The following RAD21 variants were observed in gnomAD, a reference collection of about 807,000 sequenced individuals.
RAD21 encodes double-strand-break repair protein rad21 homolog.
Under a neutral mutation model 71.5 loss-of-function variants are expected in RAD21, and 18 were observed. The observed-to-expected ratio is 0.25, with a 90% confidence interval of 0.17 to 0.37. The LOEUF (loss-of-function observed/expected upper bound fraction) is 0.37. RAD21 is among the 10% of genes least tolerant of loss of function. The pLI is 1.00. For missense variants in RAD21, 493 were observed against 769.1 expected, an observed-to-expected ratio of 0.64 and a Z score of 4.25; for synonymous variants, 248 against 254.0, an observed-to-expected ratio of 0.98 and a Z score of 0.22.
chr8:116,867,897 T>C (rs969160278), intron 1 of RAD21, among the ~76,000 whole-genome samples: 9 of 152,298 alleles, frequency 5.9e-5, no homozygotes, highest in Admixed American at 2.0e-4. Context: ...TTTTATACCA[T>C]TTTGTCACAT....
intron 12 of RAD21, among the ~76,000 whole-genome samples, chr8:116,849,835 A>G (rs1018041467): frequency 1.3e-5 from 2 of 152,242 alleles, no homozygotes; most frequent in African/African-American, 2.4e-5. Context: ...AAGCACTATT[A>G]TTAGAATTAA....
chr8:116,854,929 T>C lies in RAD21; in HGVS notation c.938-461A>G, dbSNP rs1209357620. 3.9e-5 allele frequency among the ~76,000 whole-genome samples: 6 copies of C among 152,202 alleles called. No individual in the cohort carries two copies. The South Asian group carries it at 1.0e-3, about 26-fold the overall frequency. On this transcript the variant is annotated intron_variant, in intron 8 of 13. Coordinates refer to ENST00000297338, the MANE Select transcript of RAD21 (RefSeq NM_006265.3). ...CACATATGGCAGTTGTGGAAGCTGCTTGATAGAATGAAACAAGCCCAAGCC... is the reference window on the plus strand; with the variant it reads ...CACATATGGCAGTTGTGGAAGCTGCCTGATAGAATGAAACAAGCCCAAGCC...
At chr8:116,862,554 G>A (rs1812611535) in intron 3 of RAD21, among the ~76,000 whole-genome samples, 1 of 151,826 alleles carries the variant, frequency 6.6e-6, no homozygotes, top group Non-Finnish European at 1.5e-5. Flanking sequence ...AACTGTTTAA[G>A]GCATTTCTTA....
In RAD21 at chr8:116,857,373, C is replaced by T. The variant is rs201468757; in HGVS notation, c.582G>A (p.Glu194=). The change falls in exon 6 of 14, where the codon GAG becomes GAA. Residue 194 remains glutamate, a synonymous_variant. Coordinates refer to ENST00000297338, the MANE Select transcript of RAD21 (RefSeq NM_006265.3). The stretch of plus-strand genomic sequence containing the variant: ...TCAGATTGCTGGTGCTCTGTTCAGA[C>T]TCTAATAGGAGGTTAGAAGTAGTAG... ...VSTTTSNLLL[E]SEQSTSNLNE... 64 of 1,613,072 alleles carry T rather than the reference C, an allele frequency of 4.0e-5. No homozygotes were observed. In the East Asian group the frequency reaches 1.2e-3, roughly 32 times the overall value.
At chr8:116,849,943 A>C (rs1225459950) in intron 12 of RAD21, among the ~76,000 whole-genome samples, 1 of 152,098 alleles carries the variant, frequency 6.6e-6, no homozygotes, top group African/African-American at 2.4e-5. Context: ...CCTTATTTTA[A>C]ATTTAAAGGT....
At chr8:116,854,526 G>T in intron 8 of RAD21, 58 bp from the exon 9 acceptor site, 2 of 1,315,340 alleles carry the variant, frequency 1.5e-6, no homozygotes, top group Non-Finnish European at 2.2e-6. Flanking sequence ...GGAACACACA[G>T]CTACAAGATC....
In RAD21 at chr8:116,874,316, G is replaced by A. The variant is rs1029936258; in HGVS notation, c.-33+295C>T. 2.0e-5 allele frequency: 3 copies of A among 153,178 alleles called. No individual in the cohort carries two copies. In the South Asian group the frequency reaches 6.0e-4, roughly 31 times the overall value. The allele number at this position is 153,178 out of a possible 1,614,324, so 9.5% of individuals were successfully genotyped here. On this transcript the variant is annotated intron_variant, in intron 1 of 13. Coordinates refer to ENST00000297338, the MANE Select transcript of RAD21 (RefSeq NM_006265.3). ...TGGGGGACGTGAGATGGACCTGCAG[G>A]GTAACAGCCTTTGTAGATCTCAGAA...
rs1350256754 is a variant in RAD21, at chr8:116,846,375, TAATCA to T, written c.*1120_*1124del. The T allele has an allele frequency of 4.4e-6, 1 of 229,402 alleles. No homozygotes were observed. The highest frequency in any genetic ancestry group is 8.7e-6 in the Non-Finnish European group (1 of 115,604). 14.2% of individuals were successfully genotyped at this position (229,402 alleles called of 1,614,324 possible). On this transcript the variant is annotated 3_prime_UTR_variant, in exon 14 of 14. Transcript: ENST00000297338. The stretch of plus-strand genomic sequence containing the variant: ...GCCCTAAAAAGTTAAGACATTCTGA[TAATCA>T]TAACAGTCACATGATTTCTGATGCT...
chr8:116,852,443 A>G, intron 10 of RAD21, 106 bp downstream of exon 10: 2 of 1,210,872 alleles, frequency 1.7e-6, no homozygotes, highest in Non-Finnish European at 2.3e-6. Context: ...CAAACATTTG[A>G]GTATATCTTT....
At chr8:116,865,526 T>A (rs1240986166) in intron 2 of RAD21, among the ~76,000 whole-genome samples, 2 of 152,164 alleles carry the variant, frequency 1.3e-5, no homozygotes, top group Admixed American at 1.3e-4. Flanking sequence ...TTAGTGCATA[T>A]CACAAATCTC....
At chr8:116,852,277 A>G (rs1388089920) in intron 10 of RAD21, 181 bp from the exon 11 acceptor site, 4 of 673,596 alleles carry the variant, frequency 5.9e-6, no homozygotes, top group Non-Finnish European at 9.5e-6. Context: ...CGTAAAGGGG[A>G]AAGGGGATCT....
At chr8:116,873,717 G>A (rs1052364631) in intron 1 of RAD21, among the ~76,000 whole-genome samples, 1 of 151,336 alleles carries the variant, frequency 6.6e-6, no homozygotes, top group Admixed American at 6.6e-5. Flanking sequence ...CAAATTTGAA[G>A]AAGGCCGCTA....
At position 116,855,285 on chromosome 8, in the gene RAD21, G is replaced by A. The variant is rs144743595; in HGVS notation, c.938-817C>T. On this transcript the variant is annotated intron_variant, in intron 8 of 13. Transcript: ENST00000297338. ...TGCTCTACTTAAAGGTAAAAACTAT[G>A]TCTAAATTACACTGTAATCAATTTC... 7.0e-3 allele frequency among the ~76,000 whole-genome samples: 1,062 copies of A among 152,226 alleles called. 15 individuals are homozygous for A. The highest frequency in any genetic ancestry group is 0.025 in the African/African-American group (1,029 of 41,534).
chr8:116,857,052 A>G (rs1382140201), intron 6 of RAD21, among the ~76,000 whole-genome samples: 1 of 152,172 alleles, frequency 6.6e-6, no homozygotes, highest in African/African-American at 2.4e-5. Flanking sequence ...TTAAGTACTA[A>G]TAAAATTTAG....
At position 116,847,419 on chromosome 8, in the gene RAD21, A is replaced by C; in HGVS notation, c.*81T>G. On this transcript the variant is annotated 3_prime_UTR_variant, in exon 14 of 14. Coordinates refer to ENST00000297338, the MANE Select transcript of RAD21 (RefSeq NM_006265.3). Reference sequence around the variant, plus strand: ...TACAGACAAAAATCTAAGTTTTCTCAAAGGGTTCTGTGTCCCCTACACATG... The same window carrying C: ...TACAGACAAAAATCTAAGTTTTCTCCAAGGGTTCTGTGTCCCCTACACATG... 7.4e-6 allele frequency: 9 copies of C among 1,223,282 alleles called. No individual in the cohort carries two copies. Among genetic ancestry groups the C allele is most frequent in the Non-Finnish European group, 1.0e-5 (9 of 897,160 alleles). The allele number at this position is 1,223,282 out of a possible 1,614,324, so 75.8% of individuals were successfully genotyped here.
At chr8:116,863,084 T>C (rs1183964401) in intron 3 of RAD21, 46 bp downstream of exon 3, 8 of 1,557,904 alleles carry the variant, frequency 5.1e-6, no homozygotes, top group Non-Finnish European at 5.2e-6. Flanking sequence ...CATGAGAAAC[T>C]CCAAAGTAAA....
In RAD21 at chr8:116,849,207, G is replaced by GT. The variant is rs1214723960; in HGVS notation, c.1621-179dup. 6.6e-6 allele frequency: 3 copies of GT among 457,286 alleles called. No individual in the cohort carries two copies. In the Admixed American group the frequency reaches 1.2e-4, roughly 19 times the overall value. The allele number at this position is 457,286 out of a possible 1,614,324, so 28.3% of individuals were successfully genotyped here. On this transcript the variant is annotated intron_variant, in intron 12 of 13. Coordinates refer to ENST00000297338, the MANE Select transcript of RAD21 (RefSeq NM_006265.3). ...ATTTAGAGTACAAACTGAAGAGTCT[G>GT]TTTTTCTTAAATTACAAGGCAAAGT...
intron 4 of RAD21, among the ~76,000 whole-genome samples, chr8:116,860,854 G>A (rs894885315): frequency 9.2e-5 from 14 of 151,944 alleles, no homozygotes; most frequent in South Asian, 6.2e-4. Context: ...GACAAATATC[G>A]AACTATTACA....
At chr8:116,862,047 G>C (rs1240438072) in intron 3 of RAD21, 107 bp from the exon 4 acceptor site, 1 of 801,996 alleles carries the variant, frequency 1.2e-6, no homozygotes, top group Non-Finnish European at 2.0e-6. Flanking sequence ...TCATAGAAAG[G>C]TTGATAACAT....
Sources: gnomAD v4.1 joint callset for allele counts (sites outside exome capture counted in the v4.1 genomes callset) on GRCh38, gnomAD v4.1.1 for gene constraint, MANE v1.5 for transcripts, NCBI Gene and HGNC (gene_info 2026-07-23, HGNC 2026-07-21) for gene names.